The following LRRC18 variants were observed in gnomAD, a reference collection of about 807,000 sequenced individuals.
LRRC18 encodes the protein leucine rich repeat containing 18, also known as leucine-rich repeat-containing protein 18.
LRRC18 carries 12 observed loss-of-function variants against 11.2 expected under a neutral mutation model. The observed-to-expected ratio is 1.07, with a 90% CI of 0.69 to 1.74. The LOEUF is 1.74. Ranked by LOEUF, LRRC18 falls within the 40% of genes most tolerant of loss-of-function variation. The probability of loss-of-function intolerance (pLI) is 0.00; values close to 1 mark genes in which losing one functional copy is unlikely to be tolerated. For synonymous variants in LRRC18, 155 were observed against 130.6 expected, an observed-to-expected ratio of 1.19 and a Z score of -1.27; for missense variants, 374 against 330.5, an observed-to-expected ratio of 1.13 and a Z score of -1.02.
the LRRC18 span, among the ~76,000 whole-genome samples, chr10:48,922,644 G>C: frequency 6.6e-6 from 1 of 152,164 alleles, no homozygotes; most frequent in Non-Finnish European, 1.5e-5. Context: ...GTGGTTTCAG[G>C]TATTCAATGG....
the LRRC18 span, among the ~76,000 whole-genome samples, chr10:48,938,949 G>A: frequency 2.0e-5 from 3 of 152,296 alleles, no homozygotes; most frequent in South Asian, 6.2e-4. Flanking sequence ...GCCAGGCCGG[G>A]TAACCGCCAC....
At chr10:48,919,843 C>G in the LRRC18 span, among the ~76,000 whole-genome samples, 2 of 150,402 alleles carry the variant, frequency 1.3e-5, no homozygotes, top group Admixed American at 6.6e-5. Flanking sequence ...CAAAGACATA[C>G]TAGCAATTTG....
At chr10:48,933,114 G>A in the LRRC18 span, among the ~76,000 whole-genome samples, 1 of 152,158 alleles carries the variant, frequency 6.6e-6, no homozygotes, top group East Asian at 1.9e-4. Flanking sequence ...GCATGGCAGA[G>A]GAGGGACCAT....
chr10:48,926,106 C>G, the LRRC18 span, among the ~76,000 whole-genome samples: 1 of 152,198 alleles, frequency 6.6e-6, no homozygotes, highest in Non-Finnish European at 1.5e-5. Flanking sequence ...CTGTGCTCCC[C>G]CAGTGGCAAA....
chr10:48,910,287 C>T, intron 1 of LRRC18, 29 bp from the exon 4 acceptor site: 1 of 1,610,786 alleles, frequency 6.2e-7, no homozygotes, highest in Non-Finnish European at 8.5e-7. Flanking sequence ...GAAGGTGAGG[C>T]AATTGCTCCA....
chr10:48,914,155 T>C (rs370521340), exon 1 of LRRC18: 1 of 1,611,200 alleles, frequency 6.2e-7, no homozygotes, highest in Non-Finnish European at 8.5e-7. Flanking sequence ...CCCTTAACCA[T>C]GTTCTTTTAG....
intron 1 of LRRC18, 100 bp downstream of exon 3, chr10:48,913,292 G>A (rs934502586): frequency 2.7e-6 from 3 of 1,124,488 alleles, no homozygotes; most frequent in South Asian, 1.5e-5. Flanking sequence ...AAGAGCTGCT[G>A]CAGCCACAGG....
chr10:48,913,090 G>T (rs999533834), intron 1 of LRRC18, among the ~76,000 whole-genome samples: 4 of 152,200 alleles, frequency 2.6e-5, no homozygotes, highest in Admixed American at 2.6e-4. Context: ...GGCCACAGTG[G>T]TAGACAAGAG....
At chr10:48,936,505 T>A in the LRRC18 span, among the ~76,000 whole-genome samples, 1 of 152,050 alleles carries the variant, frequency 6.6e-6, no homozygotes, top group Admixed American at 6.5e-5. Context: ...ACAAGATAAA[T>A]ACATTTTAAA....
the LRRC18 span, among the ~76,000 whole-genome samples, chr10:48,927,327 C>T: frequency 1.8e-4 from 28 of 152,222 alleles, no homozygotes; most frequent in African/African-American, 6.0e-4. Flanking sequence ...TTCAGTCATC[C>T]GCAACACTCT....
the LRRC18 span, among the ~76,000 whole-genome samples, chr10:48,936,533 C>T: frequency 3.3e-5 from 5 of 151,610 alleles, no homozygotes; most frequent in South Asian, 2.1e-4. Flanking sequence ...TATGTAAAAC[C>T]GTATGAAAAT....
At chr10:48,911,857 T>G (rs879570538) in intron 1 of LRRC18, among the ~76,000 whole-genome samples, 1 of 152,180 alleles carries the variant, frequency 6.6e-6, no homozygotes, top group African/African-American at 2.4e-5. Context: ...TCCCAAGGTT[T>G]TAGAAATATG....
exon 1 of LRRC18, chr10:48,914,179 G>T: frequency 6.2e-7 from 1 of 1,601,256 alleles, no homozygotes; most frequent in African/African-American, 1.3e-5. Flanking sequence ...GGGAGTGTTA[G>T]AAGTTTATTG....
the LRRC18 span, among the ~76,000 whole-genome samples, chr10:48,923,208 C>T: frequency 6.6e-6 from 1 of 152,060 alleles, no homozygotes; most frequent in Non-Finnish European, 1.5e-5. Flanking sequence ...TAGGTAGCAT[C>T]TGGGCACCAC....
chr10:48,918,923 G>A (rs1214339205), upstream of LRRC18, among the ~76,000 whole-genome samples: 2 of 152,180 alleles, frequency 1.3e-5, no homozygotes, highest in Non-Finnish European at 2.9e-5. Flanking sequence ...AAAATTGCCT[G>A]GAGATGAGAA....
At chr10:48,936,716 T>C in the LRRC18 span, among the ~76,000 whole-genome samples, 14 of 150,910 alleles carry the variant, frequency 9.3e-5, no homozygotes, top group African/African-American at 3.4e-4. Flanking sequence ...CAAGCACCTG[T>C]AGTGCCAGCT....
chr10:48,921,971 A>C, the LRRC18 span, among the ~76,000 whole-genome samples: 1 of 152,194 alleles, frequency 6.6e-6, no homozygotes, highest in South Asian at 2.1e-4. Flanking sequence ...CTAAGTATTT[A>C]CCCTAGAAAA....
chr10:48,929,803 G>A, the LRRC18 span, among the ~76,000 whole-genome samples: 2 of 152,114 alleles, frequency 1.3e-5, no homozygotes, highest in African/African-American at 4.8e-5. Flanking sequence ...CGGCTGGGCT[G>A]ACAGCCTTGG....
At chr10:48,938,759 G>C in the LRRC18 span, among the ~76,000 whole-genome samples, 2 of 152,158 alleles carry the variant, frequency 1.3e-5, no homozygotes, top group African/African-American at 4.8e-5. Context: ...GAAGCAGGAT[G>C]GGTGTAAATG....
Sources: allele counts gnomAD v4.1 joint callset (sites outside exome capture counted in the v4.1 genomes callset), GRCh38; gene constraint gnomAD v4.1.1; transcripts MANE v1.5; gene names NCBI Gene and HGNC (gene_info 2026-07-23, HGNC 2026-07-21).